The following SPSB4 variants were observed in gnomAD, a reference collection of about 807,000 sequenced individuals.
The protein encoded by SPSB4 is SPRY domain-containing SOCS box protein 4.
Under a neutral mutation model 20.9 loss-of-function variants are expected in SPSB4, and 21 were observed. The observed-to-expected ratio is 1.01, with a 90% CI of 0.71 to 1.45. SPSB4 has a LOEUF of 1.45. SPSB4 is among the 40% of genes most tolerant of loss of function. The probability of loss-of-function intolerance (pLI) is 0.00; values close to 1 mark genes in which losing one functional copy is unlikely to be tolerated. For synonymous variants in SPSB4, 207 were observed against 183.8 expected (o/e 1.13, Z -1.02); for missense variants, 399 against 399.2 (o/e 1.00, Z 0.00).
At chr3:141,084,695 T>C (rs779634113) in intron 2 of SPSB4, among the ~76,000 whole-genome samples, 1 of 152,204 alleles carries the variant, frequency 6.6e-6, no homozygotes, top group Non-Finnish European at 1.5e-5. Flanking sequence ...CCTGGACCAA[T>C]AGACCAAGCT....
chr3:141,094,398 C>T (rs1938511843), intron 2 of SPSB4, among the ~76,000 whole-genome samples: 3 of 152,320 alleles, frequency 2.0e-5, no homozygotes, highest in South Asian at 4.2e-4. Flanking sequence ...GGGAGAGTCT[C>T]TGCTCCTGCC....
At chr3:141,139,634 T>A (rs1939288739) in intron 2 of SPSB4, among the ~76,000 whole-genome samples, 1 of 152,230 alleles carries the variant, frequency 6.6e-6, no homozygotes, top group Non-Finnish European at 1.5e-5. Context: ...GGTTGAAAAT[T>A]CTTTTCTTTA....
chr3:141,143,179 A>T (rs1576545716), intron 2 of SPSB4, among the ~76,000 whole-genome samples: 2 of 151,250 alleles, frequency 1.3e-5, no homozygotes. Context: ...AAGAATCGCT[A>T]CTCTTGCTTG....
At position 141,075,092 on chromosome 3, in the gene SPSB4, C is replaced by T. The variant is rs192544381; in HGVS notation, c.694+8294C>T. Reference sequence around the variant, plus strand: ...CTCCAATCCCCCTTGAAAATGTTCCCCATCAGAAACAAGGGAGTGAGAATT... The same window carrying T: ...CTCCAATCCCCCTTGAAAATGTTCCTCATCAGAAACAAGGGAGTGAGAATT... On this transcript the variant is annotated intron_variant, in intron 2 of 2. Transcript: ENST00000310546. 1.8e-3 allele frequency among the ~76,000 whole-genome samples: 222 copies of T among 122,394 alleles called. 1 individual carries two copies. The highest frequency in any genetic ancestry group is 9.7e-3 in the African/African-American group (215 of 22,100). The allele number at this position is 122,394 out of a possible 152,430, so 80.3% of individuals were successfully genotyped here.
At chr3:141,121,621 T>G (rs1188259729) in intron 2 of SPSB4, among the ~76,000 whole-genome samples, 2 of 152,228 alleles carry the variant, frequency 1.3e-5, no homozygotes, top group Non-Finnish European at 2.9e-5. Context: ...CTTTTCACTC[T>G]TTTTGCTCTA....
rs561806096 is a variant in SPSB4 at position 141,139,566 on chromosome 3, G to A, written c.695-7576G>A. ...AATCTCTCAGCATTTGCTTGTCTGT[G>A]AAGTATTTTATTTCTCCTTCACTTA... is the stretch of plus-strand genomic sequence containing the variant. On this transcript the variant is annotated intron_variant, in intron 2 of 2. Coordinates refer to ENST00000310546, the MANE Select transcript of SPSB4 (RefSeq NM_080862.3). Among the ~76,000 whole-genome samples the A allele has an allele frequency of 7.2e-5, 11 of 152,232 alleles. No individual in the cohort carries two copies. The South Asian group carries it at 2.3e-3, about 32-fold the overall frequency.
intron 2 of SPSB4, among the ~76,000 whole-genome samples, chr3:141,081,876 CTAT>C (rs1192316956): frequency 1.3e-5 from 2 of 152,098 alleles, no homozygotes; most frequent in Non-Finnish European, 2.9e-5. Flanking sequence ...TCATATGGCA[CTAT>C]TATTTATCTC....
chr3:141,088,917 C>T (rs1576526069), intron 2 of SPSB4, among the ~76,000 whole-genome samples: 1 of 152,322 alleles, frequency 6.6e-6, no homozygotes, highest in African/African-American at 2.4e-5. Context: ...TCATAGAGCT[C>T]CACAGATATA....
At position 141,067,121 on chromosome 3, in the gene SPSB4, G is replaced by A. The variant is rs117245422; in HGVS notation, c.694+323G>A. On this transcript the variant is annotated intron_variant, in intron 2 of 2. Coordinates refer to ENST00000310546, the MANE Select transcript of SPSB4 (RefSeq NM_080862.3). ...GAACAGTGACTGGCACCCAACAGGG[G>A]CTTTGAGTGTTGATGCCAATTACCA... Among the ~76,000 whole-genome samples, 553 of 152,360 alleles carry A rather than the reference G, an allele frequency of 3.6e-3. 7 individuals carry two copies. The highest frequency in any genetic ancestry group is 0.022 in the East Asian group (114 of 5,194).
intron 2 of SPSB4, among the ~76,000 whole-genome samples, chr3:141,130,369 C>G (rs1311464287): frequency 6.6e-6 from 1 of 152,182 alleles, no homozygotes; most frequent in African/African-American, 2.4e-5. Flanking sequence ...AGGCTTCGGA[C>G]ACCAAAACCA....
intron 2 of SPSB4, among the ~76,000 whole-genome samples, chr3:141,127,572 ATTT>A (rs146325407): frequency 1.3e-5 from 2 of 149,200 alleles, no homozygotes; most frequent in Non-Finnish European, 3.0e-5. Flanking sequence ...TTTCATGTGC[ATTT>A]TTTTTTTCTA....
rs57674247 is a variant in SPSB4 at position 141,142,803 on chromosome 3, C to CTTTTTTTTTTTTTTTTTT, written c.695-4325_695-4308dup. Among the ~76,000 whole-genome samples, 9 of 62,032 alleles carry CTTTTTTTTTTTTTTTTTT rather than the reference C, an allele frequency of 1.5e-4. 1 individual carries two copies. The highest frequency in any genetic ancestry group is 4.5e-4 in the African/African-American group (9 of 19,838). The allele number at this position is 62,032 out of a possible 152,430, so 40.7% of individuals were successfully genotyped here. On this transcript the variant is annotated intron_variant, in intron 2 of 2. Transcript: ENST00000310546. ...ATTATGATATAATGTCCCTCTTTGT[C>CTTTTTTTTTTTTTTTTTT]TTTTTTTTTTTTTTTTTTTTTTTTT...
intron 2 of SPSB4, among the ~76,000 whole-genome samples, chr3:141,130,866 A>G (rs1939119738): frequency 1.3e-5 from 2 of 152,234 alleles, no homozygotes; most frequent in South Asian, 4.1e-4. Flanking sequence ...TGGAAAATTA[A>G]GGAATATTCA....
intron 2 of SPSB4, among the ~76,000 whole-genome samples, chr3:141,121,028 A>G (rs1249657779): frequency 6.7e-6 from 1 of 149,978 alleles, no homozygotes; most frequent in Non-Finnish European, 1.5e-5. Flanking sequence ...ACAACTTGGC[A>G]TGTTTTTGCA....
At chr3:141,096,843 T>A (rs1339411638) in intron 2 of SPSB4, among the ~76,000 whole-genome samples, 2 of 152,148 alleles carry the variant, frequency 1.3e-5, no homozygotes, top group Non-Finnish European at 1.5e-5. Context: ...TCACCATATG[T>A]CTCAAACATT....
intron 2 of SPSB4, among the ~76,000 whole-genome samples, chr3:141,138,244 G>GC (rs1448565677): frequency 2.0e-5 from 3 of 152,026 alleles, no homozygotes; most frequent in African/African-American, 7.3e-5. Flanking sequence ...CATTAGTCTT[G>GC]CTAGTGGTCT....
chr3:141,104,707 C>T (rs1222127199), intron 2 of SPSB4, among the ~76,000 whole-genome samples: 2 of 152,224 alleles, frequency 1.3e-5, no homozygotes, highest in African/African-American at 4.8e-5. Context: ...CCAGCACAGG[C>T]TGCGCGGCCG....
At chr3:141,139,222 T>C (rs1419651742) in intron 2 of SPSB4, among the ~76,000 whole-genome samples, 3 of 152,208 alleles carry the variant, frequency 2.0e-5, no homozygotes, top group Non-Finnish European at 4.4e-5. Context: ...TTTGAGCCTA[T>C]GTGTGTCTCT....
intron 2 of SPSB4, among the ~76,000 whole-genome samples, chr3:141,100,967 G>C (rs185251843): frequency 1.2e-4 from 19 of 152,182 alleles, no homozygotes; most frequent in African/African-American, 4.1e-4. Flanking sequence ...AAGACAGATA[G>C]CTGCCCCTCT....
Sources: allele counts gnomAD v4.1 joint callset (sites outside exome capture counted in the v4.1 genomes callset), GRCh38; gene constraint gnomAD v4.1.1; transcripts MANE v1.5; gene names NCBI Gene and HGNC (gene_info 2026-07-23, HGNC 2026-07-21).